ABCA9: variants seen among roughly 807,000 people sequenced by gnomAD.
The protein encoded by ABCA9 is ATP-binding cassette sub-family A member 9.
ABCA9 carries 183 observed loss-of-function variants against 205.3 expected under a neutral mutation model. The observed-to-expected ratio is 0.89, with a 90% CI of 0.79 to 1.01. ABCA9 has a LOEUF of 1.01. Among genes scored for constraint, ABCA9 ranks in the 50% least tolerant of loss-of-function variants. The probability of loss-of-function intolerance (pLI) is 0.00; values close to 1 mark genes in which losing one functional copy is unlikely to be tolerated. For synonymous variants in ABCA9, 651 were observed against 683.3 expected, an observed-to-expected ratio of 0.95 and a Z score of 0.74; for missense variants, 1,805 against 1,912.4, an observed-to-expected ratio of 0.94 and a Z score of 1.05.
intron 23 of ABCA9, among the ~76,000 whole-genome samples, chr17:69,010,025 C>A (rs1431966836): frequency 2.6e-5 from 4 of 151,894 alleles, no homozygotes; most frequent in African/African-American, 9.7e-5. Flanking sequence ...GGCATCCTAA[C>A]AAAAATAGCT....
intron 16 of ABCA9, among the ~76,000 whole-genome samples, chr17:69,025,746 T>G (rs1312186639): frequency 1.3e-5 from 2 of 152,172 alleles, no homozygotes; most frequent in Non-Finnish European, 2.9e-5. Context: ...CCTGTAATTT[T>G]GAAACAAAGA....
chr17:68,986,462 A>G (rs1369872717), intron 31 of ABCA9, 138 bp from the exon 32 acceptor site: 10 of 822,670 alleles, frequency 1.2e-5, no homozygotes, highest in Non-Finnish European at 1.7e-5. Context: ...GTAATCACTT[A>G]ACTTTGGGGA....
intron 37 of ABCA9, among the ~76,000 whole-genome samples, chr17:68,980,988 G>A (rs2069034461): frequency 6.6e-6 from 1 of 150,538 alleles, no homozygotes; most frequent in Admixed American, 6.6e-5. Context: ...ATTTTGCTAA[G>A]TGAAATAAGC....
At chr17:68,993,935 G>A (rs566961338) in intron 26 of ABCA9, among the ~76,000 whole-genome samples, 10 of 152,216 alleles carry the variant, frequency 6.6e-5, no homozygotes, top group African/African-American at 2.4e-4. Flanking sequence ...GAGTGCAGTG[G>A]CATGATCTTG....
intron 1 of ABCA9, 132 bp from the exon 2 acceptor site, chr17:69,051,271 G>A (rs1357474617): frequency 8.5e-6 from 6 of 709,542 alleles, no homozygotes; most frequent in South Asian, 4.9e-5. Context: ...AAGCCAAAAG[G>A]CTAAAATAAA....
intron 3 of ABCA9, among the ~76,000 whole-genome samples, chr17:69,046,152 G>A (rs1213862135): frequency 6.6e-6 from 1 of 152,186 alleles, no homozygotes. Context: ...ATTTGGAAGT[G>A]ATGTCAATGT....
intron 37 of ABCA9, among the ~76,000 whole-genome samples, chr17:68,978,238 T>C (rs572126872): frequency 4.7e-4 from 71 of 152,328 alleles, no homozygotes; most frequent in African/African-American, 1.7e-3. Flanking sequence ...TCTTTGTCTC[T>C]TTTGATCTTT....
the ABCA9 span, among the ~76,000 whole-genome samples, chr17:69,068,337 C>G: frequency 6.6e-6 from 1 of 152,030 alleles, no homozygotes; most frequent in Admixed American, 6.6e-5. Flanking sequence ...TTTATTTGTA[C>G]CAAAATACCA....
At chr17:69,008,328 T>G in intron 23 of ABCA9, 93 bp from the exon 24 acceptor site, 2 of 1,233,028 alleles carry the variant, frequency 1.6e-6, no homozygotes, top group Non-Finnish European at 2.3e-6. Flanking sequence ...TCATTTTTGC[T>G]TCGCCTTTTA....
At chr17:69,066,836 G>GA in the ABCA9 span, among the ~76,000 whole-genome samples, 1,904 of 152,292 alleles carry the variant, frequency 0.013, 16 homozygotes, top group Middle Eastern at 0.031. Flanking sequence ...CCTTAGACAT[G>GA]TCAGGAACTC....
chr17:69,012,994 T>C (rs1228607252), intron 22 of ABCA9, among the ~76,000 whole-genome samples: 1 of 151,836 alleles, frequency 6.6e-6, no homozygotes. Flanking sequence ...GCCTGGCTTA[T>C]TTTATTTAGC....
At chr17:69,038,832 C>CA (rs2071432778) in intron 6 of ABCA9, among the ~76,000 whole-genome samples, 1 of 152,096 alleles carries the variant, frequency 6.6e-6, no homozygotes, top group Non-Finnish European at 1.5e-5. Context: ...CGTCTCAGCC[C>CA]AAAAACTCCT....
intron 22 of ABCA9, among the ~76,000 whole-genome samples, chr17:69,014,352 C>CACAGAA (rs2070502779): frequency 6.6e-6 from 1 of 152,100 alleles, no homozygotes; most frequent in African/African-American, 2.4e-5. Flanking sequence ...GTAAAAGGTG[C>CACAGAA]ACATGAAACA....
chr17:69,019,008 C>T (rs887309165), intron 19 of ABCA9, among the ~76,000 whole-genome samples: 1 of 152,110 alleles, frequency 6.6e-6, no homozygotes, highest in African/African-American at 2.4e-5. Context: ...TTCCCCTGGG[C>T]ACCAAGAGCT....
In ABCA9 at chr17:68,982,635, G is replaced by A. The variant is rs773882238; in HGVS notation, c.4647C>T (p.Ser1549=). 1 of 1,613,812 alleles carries A rather than the reference G, an allele frequency of 6.2e-7. No homozygotes were observed. Among genetic ancestry groups the A allele is most frequent in the Non-Finnish European group, 8.5e-7 (1 of 1,179,744 alleles). The change falls in exon 37 of 39, where the codon TCC becomes TCT. Residue 1549 remains serine, a synonymous_variant. Coordinates refer to ENST00000340001, the MANE Select transcript of ABCA9 (RefSeq NM_080283.4). Reference sequence around the variant, plus strand: ...CAGGCAACTTATAGACCATCAGGGAGGAGAACCTGCGAAGAGAAGACAGTG... The same window carrying A: ...CAGGCAACTTATAGACCATCAGGGAAGAGAACCTGCGAAGAGAAGACAGTG... ...FPQAAQQERF[S]SLMVYKLPVE...
At position 69,016,289 on chromosome 17, in the gene ABCA9, T is replaced by C; in HGVS notation, c.3003A>G (p.Ser1001=). ...TGCTTCTGTCAGTCTGAATGTGTTCTGACGAATTAAAAATTCCAAGTAGTC... is the reference window on the plus strand; with the variant it reads ...TGCTTCTGTCAGTCTGAATGTGTTCCGACGAATTAAAAATTCCAAGTAGTC... The part of the protein sequence containing the change: ...SNGLLGIFNS[S]EHIQTDRSTF... Residue 1001 remains serine, a synonymous_variant, in exon 22 of 39, where the codon TCA becomes TCG. Transcript: ENST00000340001. 6.2e-7 allele frequency: 1 copy of C among 1,600,818 alleles called. No individual in the cohort carries two copies. The highest frequency in any genetic ancestry group is 8.5e-7 in the Non-Finnish European group (1 of 1,175,178).
intron 25 of ABCA9, among the ~76,000 whole-genome samples, chr17:69,004,290 G>A (rs2070020344): frequency 6.6e-6 from 1 of 152,154 alleles, no homozygotes. Context: ...GTACAGATGG[G>A]GTTTTTGGTG....
At chr17:68,994,717 CTGATTA>C (rs2069560951) in intron 26 of ABCA9, among the ~76,000 whole-genome samples, 4 of 152,166 alleles carry the variant, frequency 2.6e-5, no homozygotes, top group Admixed American at 2.0e-4. Flanking sequence ...TTCATATTCT[CTGATTA>C]TAATTTCATA....
In ABCA9 at chr17:68,995,951, C is replaced by CA. The variant is rs1177267466; in HGVS notation, c.3498dup (p.Gly1167TrpfsTer19). ...GTGAAGGGAGGTATTAACATGGTGCCAAAAAATAGCCCTAGAAATCCATAT... is the reference window on the plus strand; with the variant it reads ...GTGAAGGGAGGTATTAACATGGTGCCAAAAAAATAGCCCTAGAAATCCATAT... On this transcript the variant is annotated frameshift_variant, in exon 26 of 39. Transcript: ENST00000340001. LOFTEE classifies it high-confidence loss of function. 1.9e-6 allele frequency: 3 copies of CA among 1,613,496 alleles called. No individual in the cohort carries two copies. Among genetic ancestry groups the CA allele is most frequent in the Non-Finnish European group, 2.5e-6 (3 of 1,179,898 alleles).
Sources: gnomAD v4.1 joint callset for allele counts (sites outside exome capture counted in the v4.1 genomes callset) on GRCh38, gnomAD v4.1.1 for gene constraint, MANE v1.5 for transcripts, NCBI Gene and HGNC (gene_info 2026-07-23, HGNC 2026-07-21) for gene names.